Variants in FAM131C observed in about 807,000 individuals in gnomAD.
FAM131C encodes the protein protein FAM131C.
In FAM131C, 14 loss-of-function variants were observed where a neutral mutation model predicts 29.8. That is an observed-to-expected ratio of 0.47 (90% CI 0.31 to 0.73). The LOEUF (loss-of-function observed/expected upper bound fraction) is 0.73, where lower values mean the gene tolerates loss of function less well. FAM131C is among the 30% of genes least tolerant of loss of function. The pLI, the probability that FAM131C is intolerant of heterozygous loss-of-function variation, is 0.05. For synonymous variants in FAM131C, 86 were observed against 157.8 expected, an observed-to-expected ratio of 0.54 and a Z score of 3.41; for missense variants, 252 against 383.8, an observed-to-expected ratio of 0.66 and a Z score of 2.87.
chr1:16,073,162 G>T (rs184421506), intron 1 of FAM131C, among the ~76,000 whole-genome samples: 3 of 152,068 alleles, frequency 2.0e-5, no homozygotes, highest in African/African-American at 7.2e-5. Flanking sequence ...AGCGCGGCAC[G>T]GCACGGGACC....
intron 1 of FAM131C, among the ~76,000 whole-genome samples, chr1:16,072,094 G>A (rs542234132): frequency 2.0e-5 from 3 of 152,184 alleles, no homozygotes; most frequent in East Asian, 1.9e-4. Flanking sequence ...CAGGCCTCCC[G>A]TACCAGGTGC....
intron 3 of FAM131C, 109 bp downstream of exon 3, chr1:16,062,390 C>CCG (rs1025852325): frequency 6.3e-5 from 80 of 1,263,902 alleles, no homozygotes; most frequent in Non-Finnish European, 8.2e-5. Flanking sequence ...GCCCCCCCCC[C>CCG]CCCCGCCCCA....
intron 1 of FAM131C, among the ~76,000 whole-genome samples, chr1:16,071,627 G>A (rs2023750554): frequency 2.0e-5 from 3 of 152,188 alleles, no homozygotes; most frequent in Non-Finnish European, 2.9e-5. Flanking sequence ...CCTCTCAGGA[G>A]GGGGACAAGG....
chr1:16,058,400 T>G lies in FAM131C; in HGVS notation c.*37A>C, dbSNP rs1275999793. 1.4e-6 allele frequency: 2 copies of G among 1,440,614 alleles called. No homozygotes were observed. Among genetic ancestry groups the G allele is most frequent in the African/African-American group, 2.9e-5 (2 of 69,368 alleles). The allele number at this position is 1,440,614 out of a possible 1,614,324, so 89.2% of individuals were successfully genotyped here. On this transcript the variant is annotated 3_prime_UTR_variant, in exon 7 of 7. Transcript: ENST00000375662. ...CTGGGCTGCCCACCAGGCGAGGTCA[T>G]GGTGAGAGCAGGTGCTGGACCAGCA...
At chr1:16,069,565 G>A (rs1265803348) in intron 1 of FAM131C, among the ~76,000 whole-genome samples, 17 of 152,260 alleles carry the variant, frequency 1.1e-4, no homozygotes, top group Non-Finnish European at 1.5e-5. Flanking sequence ...TGGAGGAGAG[G>A]GCTGGGGCAT....
intron 1 of FAM131C, among the ~76,000 whole-genome samples, chr1:16,072,960 TG>T (rs935785140): frequency 1.3e-5 from 2 of 150,164 alleles, no homozygotes; most frequent in Admixed American, 1.3e-4. Context: ...TCAGGGGCTC[TG>T]CAGATGGGGG....
intron 1 of FAM131C, among the ~76,000 whole-genome samples, 194 bp downstream of exon 1, chr1:16,073,227 G>A (rs1241516607): frequency 6.6e-6 from 1 of 151,996 alleles, no homozygotes; most frequent in Non-Finnish European, 1.5e-5. Flanking sequence ...GGTGACCTCT[G>A]CACGTGCGCT....
chr1:16,071,324 T>C (rs1419503766), intron 1 of FAM131C, among the ~76,000 whole-genome samples: 1 of 152,200 alleles, frequency 6.6e-6, no homozygotes, highest in African/African-American at 2.4e-5. Context: ...GCTTATACTA[T>C]CCTAGCTGTG....
Position 16,062,058 on chromosome 1 carries a change from G to A in FAM131C, c.268+41C>T, listed in dbSNP as rs534118302. ...CACAGCCAGGGTCTAGGGTGGGACC[G>A]TGCATTCTCCACCGGCAGGAGAGTT... On this transcript the variant is annotated intron_variant, in intron 4 of 6. Transcript: ENST00000375662. 5.6e-5 allele frequency: 89 copies of A among 1,596,178 alleles called. No individual in the cohort carries two copies. The East Asian group carries it at 1.0e-3, about 18-fold the overall frequency.
intron 6 of FAM131C, among the ~76,000 whole-genome samples, chr1:16,059,116 C>T (rs1424936780): frequency 1.5e-4 from 23 of 151,706 alleles, no homozygotes; most frequent in African/African-American, 3.4e-4. Context: ...GTTTCAGATC[C>T]GGCTCTGACG....
chr1:16,064,255 A>C (rs2124130052), intron 1 of FAM131C, among the ~76,000 whole-genome samples: 1 of 151,536 alleles, frequency 6.6e-6, no homozygotes, highest in Admixed American at 6.6e-5. Context: ...CCCCTACCCC[A>C]CACACTGCTG....
chr1:16,059,272 C>T (rs1054507594), intron 6 of FAM131C, among the ~76,000 whole-genome samples: 1 of 150,344 alleles, frequency 6.7e-6, no homozygotes, highest in Non-Finnish European at 1.5e-5. Context: ...GTGTGGTAAG[C>T]GCTCGATTCC....
intron 1 of FAM131C, among the ~76,000 whole-genome samples, chr1:16,069,639 G>A (rs2023727312): frequency 6.6e-6 from 1 of 152,208 alleles, no homozygotes; most frequent in Non-Finnish European, 1.5e-5. Context: ...CCCTGGAACT[G>A]GAGAGAAGGG....
intron 1 of FAM131C, among the ~76,000 whole-genome samples, chr1:16,066,184 G>A (rs1189220652): frequency 6.6e-6 from 1 of 152,226 alleles, no homozygotes; most frequent in African/African-American, 2.4e-5. Context: ...ACCACGCCCA[G>A]CCTGAGATTC....
At position 16,062,622 on chromosome 1, in the gene FAM131C, G is replaced by A. The variant is rs1468979518; in HGVS notation, c.139-88C>T. On this transcript the variant is annotated intron_variant, in intron 2 of 6. Coordinates refer to ENST00000375662, the MANE Select transcript of FAM131C (RefSeq NM_182623.3). ...AGTCCTGGGGCCCTGGGTGGGGGTGGGGGTCAGCCTTCTTCTGGTGCTGTG... is the reference window on the plus strand; with the variant it reads ...AGTCCTGGGGCCCTGGGTGGGGGTGAGGGTCAGCCTTCTTCTGGTGCTGTG... The A allele has an allele frequency of 2.2e-5, 34 of 1,514,040 alleles. 1 individual carries two copies. The East Asian group carries it at 6.9e-4, about 31-fold the overall frequency. The allele number at this position is 1,514,040 out of a possible 1,614,324, so 93.8% of individuals were successfully genotyped here.
At chr1:16,062,937 C>T (rs1484615978) in intron 2 of FAM131C, among the ~76,000 whole-genome samples, 1 of 152,162 alleles carries the variant, frequency 6.6e-6, no homozygotes, top group African/African-American at 2.4e-5. Flanking sequence ...GAGTGCAGTG[C>T]TTCGCAGGAG....
At chr1:16,066,070 A>G (rs1382965001) in intron 1 of FAM131C, among the ~76,000 whole-genome samples, 2 of 152,020 alleles carry the variant, frequency 1.3e-5, no homozygotes, top group East Asian at 3.9e-4. Flanking sequence ...TATTTCCAGT[A>G]GAGACAGGGT....
intron 3 of FAM131C, 34 bp from the exon 4 acceptor site, chr1:16,062,226 G>C: frequency 1.3e-6 from 2 of 1,596,632 alleles, no homozygotes; most frequent in Non-Finnish European, 1.7e-6. Flanking sequence ...GAGCAGGGTG[G>C]GCCAGGCTGC....
chr1:16,069,460 T>C (rs527685491), intron 1 of FAM131C, among the ~76,000 whole-genome samples: 2 of 152,218 alleles, frequency 1.3e-5, no homozygotes, highest in South Asian at 4.2e-4. Flanking sequence ...AGAAGAAAAT[T>C]CTCGGTCTCT....
Sources: allele counts gnomAD v4.1 joint callset (sites outside exome capture counted in the v4.1 genomes callset), GRCh38; gene constraint gnomAD v4.1.1; transcripts MANE v1.5; gene names NCBI Gene and HGNC (gene_info 2026-07-23, HGNC 2026-07-21).